ANK1: variants seen among roughly 807,000 people sequenced by gnomAD.
ANK1 encodes the protein ankyrin-1.
Under a neutral mutation model 210.4 loss-of-function variants are expected in ANK1, and 51 were observed. The observed-to-expected ratio is 0.24, with a 90% confidence interval of 0.19 to 0.31. ANK1 has a LOEUF of 0.31. Ranked by LOEUF, ANK1 falls within the 10% of genes least tolerant of loss-of-function variation. The pLI, the probability that ANK1 is intolerant of heterozygous loss-of-function variation, is 1.00. For missense variants in ANK1, 2,051 were observed against 2,504.4 expected (o/e 0.82, Z 3.86); for synonymous variants, 967 against 1,025.9 (o/e 0.94, Z 1.10).
In ANK1 at chr8:41,672,499, G is replaced by T. The variant is rs1812725161; in HGVS notation, c.4951C>A (p.Pro1651Thr). The change falls in exon 38 of 43, where the codon CCA becomes ACA. Residue 1651 changes from proline to threonine, a missense_variant. By Grantham distance (38) the Pro-to-Thr change is conservative. This residue lies in a region of ANK1 where 496 missense variants were observed against 533.4 expected (regional missense o/e 0.93). Transcript: ENST00000289734. ...GCGTCATCCTGCCTCTTAGAACCTG[G>T]CAGCTTCTCTTCTGACCTCTGACCT... The part of the protein sequence containing the change: ...EEGQRSEEKL[P>T]GSKRQDDATG... 2 of 1,614,166 alleles carry T rather than the reference G, an allele frequency of 1.2e-6. No homozygotes were observed. Among genetic ancestry groups the T allele is most frequent in the Non-Finnish European group, 1.7e-6 (2 of 1,180,034 alleles).
At chr8:41,668,630 A>G in intron 38 of ANK1, 66 bp from the exon 39 acceptor site, 2 of 1,509,466 alleles carry the variant, frequency 1.3e-6, no homozygotes, top group Non-Finnish European at 1.8e-6. Flanking sequence ...GTCACCCATC[A>G]GTCTCATTCC....
At position 41,688,062 on chromosome 8, in the gene ANK1, G is replaced by A. The variant is rs1004619545; in HGVS notation, c.4258+94C>T. 53 of 1,402,632 alleles carry A rather than the reference G, an allele frequency of 3.8e-5. No homozygotes were observed. In the Admixed American group the frequency reaches 8.9e-4, roughly 24 times the overall value. 86.9% of individuals were successfully genotyped at this position (1,402,632 alleles called of 1,614,324 possible). ...ATCAGATAACCCACGGGTGATAAAAGGAGGGTTAGAAATGCCTCATTCATT... is the reference window on the plus strand; with the variant it reads ...ATCAGATAACCCACGGGTGATAAAAAGAGGGTTAGAAATGCCTCATTCATT... On this transcript the variant is annotated intron_variant, in intron 35 of 42. Transcript: ENST00000289734.
intron 1 of ANK1, among the ~76,000 whole-genome samples, chr8:41,789,692 G>A (rs1847212753): frequency 6.6e-6 from 1 of 152,196 alleles, no homozygotes; most frequent in South Asian, 2.1e-4. Flanking sequence ...GTCTATATTA[G>A]AGAGTTAGGA....
At chr8:41,732,473 C>T (rs770772884) in intron 3 of ANK1, among the ~76,000 whole-genome samples, 2 of 150,098 alleles carry the variant, frequency 1.3e-5, no homozygotes, top group Admixed American at 6.6e-5. Context: ...AGTGCAATGG[C>T]GCGATCTCGG....
intron 1 of ANK1, among the ~76,000 whole-genome samples, chr8:41,860,083 G>A (rs1342073728): frequency 6.6e-6 from 1 of 152,212 alleles, no homozygotes; most frequent in Non-Finnish European, 1.5e-5. Context: ...ACTACAGACT[G>A]AATCTGCTCA....
At chr8:41,774,407 T>C (rs1037752965) in intron 1 of ANK1, among the ~76,000 whole-genome samples, 3 of 152,172 alleles carry the variant, frequency 2.0e-5, no homozygotes, top group African/African-American at 7.2e-5. Context: ...GTTGACTAAA[T>C]TGTCAATGTC....
At chr8:41,701,978 C>T in intron 21 of ANK1, 74 bp downstream of exon 21, 1 of 1,502,592 alleles carries the variant, frequency 6.7e-7, no homozygotes, top group Non-Finnish European at 9.2e-7. Flanking sequence ...ACCCCACTTC[C>T]AGAGTAACCC....
At chr8:41,673,456 C>T (rs565669090) in intron 37 of ANK1, among the ~76,000 whole-genome samples, 1 of 152,338 alleles carries the variant, frequency 6.6e-6, no homozygotes, top group South Asian at 2.1e-4. Flanking sequence ...GTACACTAAA[C>T]ACCCATAGAC....
intron 2 of ANK1, 133 bp downstream of exon 2, chr8:41,757,903 A>G (rs1839535089): frequency 1.1e-6 from 1 of 876,996 alleles, no homozygotes. Flanking sequence ...AGGGCCTTCC[A>G]CAGGCAGGAG....
chr8:41,741,787 T>C (rs1834860871), intron 2 of ANK1, among the ~76,000 whole-genome samples: 1 of 152,156 alleles, frequency 6.6e-6, no homozygotes, highest in Admixed American at 6.5e-5. Flanking sequence ...CTTTTTGTCA[T>C]TGTCGGGGTA....
chr8:41,772,695 T>C (rs971822498), intron 1 of ANK1, among the ~76,000 whole-genome samples: 4 of 152,228 alleles, frequency 2.6e-5, no homozygotes, highest in African/African-American at 9.6e-5. Flanking sequence ...GACTCAGTTG[T>C]GCCCCCACGC....
chr8:41,665,421 G>T, intron 39 of ANK1: 1 of 546,300 alleles, frequency 1.8e-6, no homozygotes, highest in Non-Finnish European at 2.9e-6. Context: ...GACACCCGCT[G>T]CTGCCTAACC....
intron 1 of ANK1, among the ~76,000 whole-genome samples, chr8:41,834,138 G>A (rs1037196817): frequency 1.3e-5 from 2 of 152,210 alleles, no homozygotes; most frequent in Admixed American, 1.3e-4. Flanking sequence ...GCAGGTCAGA[G>A]CCACAGGGTC....
chr8:41,688,711 C>T (rs1586097038), intron 33 of ANK1, 122 bp from the exon 34 acceptor site: 1 of 851,618 alleles, frequency 1.2e-6, no homozygotes, highest in Non-Finnish European at 2.0e-6. Flanking sequence ...AACAATCAGT[C>T]CGTTTCTTCA....
intron 1 of ANK1, among the ~76,000 whole-genome samples, chr8:41,861,965 TC>T (rs1429578367): frequency 6.6e-6 from 1 of 152,144 alleles, no homozygotes; most frequent in Non-Finnish European, 1.5e-5. Flanking sequence ...TTTCTTCCCT[TC>T]CCCAGAGGTC....
intron 1 of ANK1, among the ~76,000 whole-genome samples, chr8:41,779,207 G>A (rs1246933860): frequency 6.6e-6 from 1 of 152,006 alleles, no homozygotes; most frequent in Non-Finnish European, 1.5e-5. Flanking sequence ...CCTGAGACAT[G>A]CCCCTTGCTT....
intron 1 of ANK1, among the ~76,000 whole-genome samples, chr8:41,861,732 G>A (rs565850536): frequency 2.0e-5 from 3 of 152,356 alleles, no homozygotes; most frequent in East Asian, 1.9e-4. Flanking sequence ...CAAGCCCTCC[G>A]AGGAAATACC....
chr8:41,802,064 A>C (rs1299386167), upstream of ANK1, among the ~76,000 whole-genome samples: 3 of 152,052 alleles, frequency 2.0e-5, no homozygotes, highest in Non-Finnish European at 4.4e-5. Context: ...ATCTCAGCTC[A>C]CTGCAACCTC....
chr8:41,680,049 T>C (rs930125841), intron 37 of ANK1, among the ~76,000 whole-genome samples: 7 of 152,186 alleles, frequency 4.6e-5, no homozygotes, highest in Non-Finnish European at 8.8e-5. Flanking sequence ...GTCCCTGTTA[T>C]CCTGTCTTGG....
Sources: gnomAD v4.1 joint callset for allele counts (sites outside exome capture counted in the v4.1 genomes callset) on GRCh38, gnomAD v4.1.1 for gene constraint, gnomAD v4.1.1 regional missense constraint, MANE v1.5 for transcripts, NCBI Gene and HGNC (gene_info 2026-07-23, HGNC 2026-07-21) for gene names.